Variants in FBXW7 observed in about 807,000 individuals in gnomAD.
FBXW7 encodes F-box/WD repeat-containing protein 7.
In FBXW7, 11 loss-of-function variants were observed where a neutral mutation model predicts 86.3. That is an observed-to-expected ratio of 0.13 (90% CI 0.08 to 0.21). FBXW7 has a LOEUF of 0.21. FBXW7 is among the 10% of genes least tolerant of loss of function. The pLI, the probability that FBXW7 is intolerant of heterozygous loss-of-function variation, is 1.00. For missense variants in FBXW7, 488 were observed against 847.4 expected (o/e 0.58, Z 5.27); for synonymous variants, 313 against 297.9 (o/e 1.05, Z -0.52).
At chr4:152,338,166 G>T (rs1268839634) in intron 6 of FBXW7, 3 of 339,802 alleles carry the variant, frequency 8.8e-6, no homozygotes, top group East Asian at 4.4e-5. Flanking sequence ...ATGTTTGACA[G>T]AAAAATATTT....
chr4:152,488,294 T>C (rs1293219564), intron 2 of FBXW7, among the ~76,000 whole-genome samples: 1 of 152,056 alleles, frequency 6.6e-6, no homozygotes, highest in Non-Finnish European at 1.5e-5. Context: ...TTCATCATGT[T>C]CCTTAAAAGG....
intron 2 of FBXW7, among the ~76,000 whole-genome samples, chr4:152,485,006 A>G (rs892161651): frequency 6.6e-6 from 1 of 151,886 alleles, no homozygotes; most frequent in Non-Finnish European, 1.5e-5. Context: ...ATGGATGAAG[A>G]AAAGAAAACA....
chr4:152,334,311 G>A (rs1729861344), intron 7 of FBXW7, among the ~76,000 whole-genome samples: 1 of 152,086 alleles, frequency 6.6e-6, no homozygotes, highest in Admixed American at 6.6e-5. Flanking sequence ...TCTCAATATT[G>A]TACTTAACAG....
intron 2 of FBXW7, among the ~76,000 whole-genome samples, chr4:152,442,228 T>C (rs937620921): frequency 6.6e-6 from 1 of 152,342 alleles, no homozygotes; most frequent in South Asian, 2.1e-4. Flanking sequence ...TGCTTTCTCG[T>C]AGCATCAACT....
chr4:152,521,756 G>A (rs1441277823), intron 2 of FBXW7, among the ~76,000 whole-genome samples: 1 of 149,620 alleles, frequency 6.7e-6, no homozygotes, highest in African/African-American at 2.5e-5. Context: ...AGAAAGAACA[G>A]AAGCAAGGCA....
Position 152,322,496 on chromosome 4 carries a change from T to G in FBXW7, c.*385A>C, listed in dbSNP as rs551042908. On this transcript the variant is annotated 3_prime_UTR_variant, in exon 14 of 14. Transcript: ENST00000281708. ...TGCAGTTCCTTTCTAGGTGTCTAGC[T>G]GTCAGTGGTAAAAGAACAGGCTAGC... 3 of 254,234 alleles carry G rather than the reference T, an allele frequency of 1.2e-5. No homozygotes were observed. The East Asian group carries it at 1.7e-4, about 14-fold the overall frequency. 15.7% of individuals were successfully genotyped at this position (254,234 alleles called of 1,614,324 possible). A position where few individuals can be genotyped will look rare whatever the true frequency, so the allele number is the denominator to read the frequency against.
rs143775134 is a variant in FBXW7, at chr4:152,411,657, C to T, written c.147G>A (p.Glu49=). The T allele has an allele frequency of 3.7e-4, 594 of 1,613,966 alleles. 1 individual carries two copies. In the African/African-American group the frequency reaches 7.5e-3, roughly 20 times the overall value. ...CACCATTCCTTGCAGTGTGCTCCTC[C>T]TCTTGTTGTCTGAGTTGCTGTTGCT... The part of the protein sequence containing the change: ...EEQQQQLRQQ[E]EEHTARNGEV... The change falls in exon 4 of 14, where the codon GAG becomes GAA. Residue 49 remains glutamate (E), a synonymous_variant. Transcript: ENST00000281708.
intron 2 of FBXW7, among the ~76,000 whole-genome samples, chr4:152,436,611 G>T (rs542607885): frequency 6.6e-6 from 1 of 152,320 alleles, no homozygotes; most frequent in African/African-American, 2.4e-5. Context: ...CTTCTAGCTG[G>T]ACAGGTGAAG....
chr4:152,373,838 TCTTATTTATAGCCG>T (rs1560820254), intron 4 of FBXW7, among the ~76,000 whole-genome samples: 1 of 152,030 alleles, frequency 6.6e-6, no homozygotes, highest in Non-Finnish European at 1.5e-5. Flanking sequence ...GGGATCATCA[TCTTATTTATAGCCG>T]GTGGCTTGCA....
At chr4:152,452,685 A>G (rs1213559301) in intron 2 of FBXW7, among the ~76,000 whole-genome samples, 1 of 152,250 alleles carries the variant, frequency 6.6e-6, no homozygotes, top group Non-Finnish European at 1.5e-5. Flanking sequence ...TATATGTTTA[A>G]CATAAAAAGA....
chr4:152,511,357 A>G (rs1273261971), intron 2 of FBXW7, among the ~76,000 whole-genome samples: 3 of 140,960 alleles, frequency 2.1e-5, no homozygotes, highest in Admixed American at 1.6e-4. Flanking sequence ...ACAATTACTT[A>G]AAAGTTCTAA....
chr4:152,526,477 C>G (rs1554003019), intron 2 of FBXW7, among the ~76,000 whole-genome samples: 1 of 151,678 alleles, frequency 6.6e-6, no homozygotes, highest in Non-Finnish European at 1.5e-5. Flanking sequence ...ATTAAGCACA[C>G]AAAAAAAGGA....
At position 152,326,630 on chromosome 4, in the gene FBXW7, G is replaced by A. The variant is rs1194052382; in HGVS notation, c.1419-399C>T. On this transcript the variant is annotated intron_variant, in intron 11 of 13. Coordinates refer to ENST00000281708, the MANE Select transcript of FBXW7 (RefSeq NM_001349798.2). Reference sequence around the variant, plus strand: ...GGGCATATGTATAAAATGTTAATGGGAGAACTCTAGGTGGTAGTGGTTTAA... The same window carrying A: ...GGGCATATGTATAAAATGTTAATGGAAGAACTCTAGGTGGTAGTGGTTTAA... 8.5e-5 allele frequency among the ~76,000 whole-genome samples: 13 copies of A among 152,132 alleles called. No individual in the cohort carries two copies. The South Asian group carries it at 2.5e-3, about 29-fold the overall frequency.
At chr4:152,481,118 T>C (rs1258933537) in intron 2 of FBXW7, among the ~76,000 whole-genome samples, 4 of 152,160 alleles carry the variant, frequency 2.6e-5, no homozygotes, top group African/African-American at 9.7e-5. Context: ...TGACTCAGCA[T>C]GTTAGGAGCC....
At chr4:152,406,170 A>G (rs1737405349) in intron 4 of FBXW7, among the ~76,000 whole-genome samples, 1 of 152,232 alleles carries the variant, frequency 6.6e-6, no homozygotes. Flanking sequence ...ACTATTTGTG[A>G]TATTTGTGTA....
chr4:152,518,511 G>A (rs966528789), intron 2 of FBXW7, among the ~76,000 whole-genome samples: 2 of 152,084 alleles, frequency 1.3e-5, no homozygotes, highest in Non-Finnish European at 2.9e-5. Flanking sequence ...TGCCCAGGCT[G>A]GTCTCCAACT....
intron 2 of FBXW7, among the ~76,000 whole-genome samples, chr4:152,438,382 T>C (rs1740579509): frequency 6.6e-6 from 1 of 151,612 alleles, no homozygotes; most frequent in Admixed American, 6.6e-5. Context: ...AAAGTATTAA[T>C]TCTAACAAAA....
chr4:152,425,999 A>G (rs920804915), intron 2 of FBXW7, among the ~76,000 whole-genome samples: 7 of 152,170 alleles, frequency 4.6e-5, no homozygotes, highest in African/African-American at 1.7e-4. Flanking sequence ...CTACACCCCA[A>G]GAATTTATAA....
chr4:152,403,036 G>A (rs1737084243), intron 4 of FBXW7, among the ~76,000 whole-genome samples: 1 of 152,164 alleles, frequency 6.6e-6, no homozygotes, highest in Admixed American at 6.5e-5. Context: ...CCAATTTGGG[G>A]TCTGTCTTAG....
Sources: gnomAD v4.1 joint callset for allele counts (sites outside exome capture counted in the v4.1 genomes callset) on GRCh38, gnomAD v4.1.1 for gene constraint, MANE v1.5 for transcripts, NCBI Gene and HGNC (gene_info 2026-07-23, HGNC 2026-07-21) for gene names.